The following DGKB variants were observed in gnomAD, a reference collection of about 807,000 sequenced individuals.
DGKB encodes diacylglycerol kinase beta.
A neutral mutation model predicts 114.3 loss-of-function variants in DGKB; 67 were observed. That is an observed-to-expected ratio of 0.59 (90% CI 0.48 to 0.72). The LOEUF (loss-of-function observed/expected upper bound fraction) is 0.72, where lower values mean the gene tolerates loss of function less well. Ranked by LOEUF, DGKB falls within the 30% of genes least tolerant of loss-of-function variation. The pLI is 0.00. For synonymous variants in DGKB, 398 were observed against 323.1 expected, an observed-to-expected ratio of 1.23 and a Z score of -2.49; for missense variants, 907 against 975.2, an observed-to-expected ratio of 0.93 and a Z score of 0.93.
At chr7:14,522,839 C>T (rs1158535379) in intron 20 of DGKB, among the ~76,000 whole-genome samples, 1 of 152,020 alleles carries the variant, frequency 6.6e-6, no homozygotes, top group African/African-American at 2.4e-5. Context: ...TTGATTTATA[C>T]AAAATTATTT....
At chr7:14,898,130 G>A (rs899122042) in intron 1 of DGKB, among the ~76,000 whole-genome samples, 9 of 151,918 alleles carry the variant, frequency 5.9e-5, no homozygotes, top group Non-Finnish European at 1.2e-4. Flanking sequence ...ATACCTCAAA[G>A]TGTCATGATA....
At chr7:14,857,258 T>TTGTGTGTG (rs140695633) in intron 1 of DGKB, among the ~76,000 whole-genome samples, 1,896 of 138,074 alleles carry the variant, frequency 0.014, 48 homozygotes, top group African/African-American at 0.045. Context: ...CTGTGTGTGT[T>TTGTGTGTG]TGTGTGTGTG....
chr7:14,435,110 T>C (rs1829044645), intron 21 of DGKB, among the ~76,000 whole-genome samples: 1 of 152,172 alleles, frequency 6.6e-6, no homozygotes, highest in South Asian at 2.1e-4. Context: ...CTCTGTTAAT[T>C]CAAACTAGCT....
At chr7:14,213,075 A>G (rs1009055915) in intron 23 of DGKB, among the ~76,000 whole-genome samples, 11 of 152,172 alleles carry the variant, frequency 7.2e-5, no homozygotes, top group African/African-American at 2.6e-4. Flanking sequence ...TACCAGTTCA[A>G]TTTGAAATAT....
chr7:14,335,987 T>G (rs1294479776), intron 23 of DGKB, among the ~76,000 whole-genome samples: 1 of 152,150 alleles, frequency 6.6e-6, no homozygotes, highest in Non-Finnish European at 1.5e-5. Context: ...CAAGTGATCC[T>G]CCTGCCTTGG....
At chr7:14,967,571 T>C (rs1166145529) in intron 1 of DGKB, among the ~76,000 whole-genome samples, 1 of 147,458 alleles carries the variant, frequency 6.8e-6, no homozygotes, top group Non-Finnish European at 1.5e-5. Flanking sequence ...TTCATTCACC[T>C]CGGCCTCCCA....
chr7:14,737,283 ATTTTTTTTTT>A (rs11348925), intron 4 of DGKB, among the ~76,000 whole-genome samples: 4 of 82,510 alleles, frequency 4.8e-5, no homozygotes, highest in African/African-American at 1.7e-4. Flanking sequence ...TTGAAGGCCA[ATTTTTTTTTT>A]TTTTTTTTTT....
chr7:14,274,600 G>T lies in DGKB; in HGVS notation c.2122+63915C>A, dbSNP rs116728980. Among the ~76,000 whole-genome samples the T allele has an allele frequency of 3.7e-3, 561 of 152,244 alleles. 7 individuals carry two copies. Among genetic ancestry groups the T allele is most frequent in the African/African-American group, 0.013 (535 of 41,556 alleles). On this transcript the variant is annotated intron_variant, in intron 23 of 25. Transcript: ENST00000402815. ...TATTAAAAAATGTCATAGACTGAAT[G>T]ACATAACAATAAAATATTCATCTCT...
At chr7:14,156,225 G>C (rs554007750) in intron 25 of DGKB, among the ~76,000 whole-genome samples, 1 of 152,228 alleles carries the variant, frequency 6.6e-6, no homozygotes, top group Admixed American at 6.5e-5. Flanking sequence ...TGGTACAATG[G>C]TCTGTATGTC....
intron 23 of DGKB, among the ~76,000 whole-genome samples, chr7:14,312,780 T>G (rs1482909278): frequency 6.6e-6 from 1 of 152,190 alleles, no homozygotes; most frequent in Admixed American, 6.5e-5. Flanking sequence ...AGTTTTTCAG[T>G]TTGATGGAAA....
chr7:14,651,341 A>G (rs1365215787), intron 13 of DGKB, among the ~76,000 whole-genome samples: 1 of 151,834 alleles, frequency 6.6e-6, no homozygotes. Flanking sequence ...AGGCTGGTTC[A>G]ATACACGCAA....
chr7:14,238,366 C>T (rs1270086481), intron 23 of DGKB, among the ~76,000 whole-genome samples: 4 of 151,838 alleles, frequency 2.6e-5, no homozygotes, highest in Non-Finnish European at 1.5e-5. Context: ...CTTCTTCTGC[C>T]CTAACTATAA....
At chr7:14,750,206 T>C (rs771216733) in intron 4 of DGKB, 1 of 511,696 alleles carries the variant, frequency 2.0e-6, no homozygotes, top group Non-Finnish European at 3.9e-6. Flanking sequence ...CATTATGTTA[T>C]AGTTAAAGCA....
intron 23 of DGKB, among the ~76,000 whole-genome samples, chr7:14,199,278 A>T (rs999127022): frequency 6.6e-6 from 1 of 152,082 alleles, no homozygotes. Flanking sequence ...GATGGGTCTC[A>T]GATGAAAGAC....
intron 1 of DGKB, among the ~76,000 whole-genome samples, chr7:14,952,617 AT>A (rs1467412734): frequency 2.6e-5 from 4 of 151,918 alleles, no homozygotes; most frequent in Non-Finnish European, 4.4e-5. Context: ...TTAGCCAGGC[AT>A]GGTGGCGCAC....
At chr7:14,759,664 T>C (rs569444293) in intron 2 of DGKB, among the ~76,000 whole-genome samples, 37 of 152,332 alleles carry the variant, frequency 2.4e-4, no homozygotes, top group African/African-American at 7.7e-4. Context: ...TATCAGCTGA[T>C]GTACATTCAA....
At chr7:14,201,666 T>C (rs1433946096) in intron 23 of DGKB, among the ~76,000 whole-genome samples, 1 of 151,940 alleles carries the variant, frequency 6.6e-6, no homozygotes, top group African/African-American at 2.4e-5. Flanking sequence ...CATGGTAAGT[T>C]TGATTTTGCA....
intron 21 of DGKB, among the ~76,000 whole-genome samples, chr7:14,430,649 G>A (rs142028108): frequency 5.3e-4 from 81 of 152,208 alleles, no homozygotes; most frequent in African/African-American, 1.7e-3. Context: ...TTTCATTTTA[G>A]ATGAATACAA....
intron 20 of DGKB, among the ~76,000 whole-genome samples, chr7:14,495,777 C>T (rs1052146711): frequency 6.6e-6 from 1 of 151,680 alleles, no homozygotes; most frequent in African/African-American, 2.4e-5. Context: ...TTCTAGGAAG[C>T]CTAGCTAGAC....
Sources: allele counts gnomAD v4.1 joint callset (sites outside exome capture counted in the v4.1 genomes callset), GRCh38; gene constraint gnomAD v4.1.1; transcripts MANE v1.5; gene names NCBI Gene and HGNC (gene_info 2026-07-23, HGNC 2026-07-21).